KCNN3: variants seen among roughly 807,000 people sequenced by gnomAD.
The protein encoded by KCNN3 is potassium calcium-activated channel subfamily N member 3.
In KCNN3, 16 loss-of-function variants were observed where a neutral mutation model predicts 62.9. The ratio of observed to expected loss-of-function variants is 0.25; its 90% CI spans 0.17 to 0.39. The LOEUF is 0.39. KCNN3 is among the 10% of genes least tolerant of loss of function. The probability of loss-of-function intolerance (pLI) is 1.00; values close to 1 mark genes in which losing one functional copy is unlikely to be tolerated. For missense variants in KCNN3, 599 were observed against 949.4 expected, an observed-to-expected ratio of 0.63 and a Z score of 4.85; for synonymous variants, 370 against 389.2, an observed-to-expected ratio of 0.95 and a Z score of 0.58.
At chr1:154,729,866 T>C (rs1700552675) in intron 4 of KCNN3, among the ~76,000 whole-genome samples, 1 of 152,234 alleles carries the variant, frequency 6.6e-6, no homozygotes, top group African/African-American at 2.4e-5. Context: ...CCTTGGCAGT[T>C]CAGAGGCATC....
rs59012245 is a variant in KCNN3 at position 154,699,885 on chromosome 1, TAA to T, written c.*8089_*8090del. ...TTCTGATGGCTTTGCTAGTCTGGTC[TAA>T]AAAAAAAAAGACTAAAACTTAAAAA... On this transcript the variant is annotated 3_prime_UTR_variant, in exon 8 of 8. Transcript: ENST00000271915. The T allele has an allele frequency of 0.18, 26,501 of 146,454 alleles. 2,666 individuals carry two copies. The highest frequency in any genetic ancestry group is 0.27 in the Middle Eastern group (77 of 284). 9.1% of individuals were successfully genotyped at this position (146,454 alleles called of 1,614,324 possible).
intron 5 of KCNN3, among the ~76,000 whole-genome samples, chr1:154,720,862 C>T (rs1013448110): frequency 1.3e-5 from 2 of 152,042 alleles, no homozygotes; most frequent in Admixed American, 6.6e-5. Flanking sequence ...GGGCCGAGGC[C>T]CTGGAGAGGC....
chr1:154,737,211 G>GT (rs895539742), intron 3 of KCNN3: 1 of 293,220 alleles, frequency 3.4e-6, no homozygotes, highest in Non-Finnish European at 6.8e-6. Flanking sequence ...AAATTTGGGG[G>GT]GGGGGGATAG....
chr1:154,820,277 G>A (rs575984125), intron 2 of KCNN3, among the ~76,000 whole-genome samples: 3 of 152,302 alleles, frequency 2.0e-5, no homozygotes, highest in East Asian at 1.9e-4. Context: ...AGCATCAGAG[G>A]GAGGGACACC....
intron 1 of KCNN3, among the ~76,000 whole-genome samples, chr1:154,842,539 CT>C (rs1224653912): frequency 6.6e-6 from 1 of 152,132 alleles, no homozygotes; most frequent in African/African-American, 2.4e-5. Context: ...GCCCCTACCC[CT>C]CACCCCAGCC....
At chr1:154,755,589 A>AAGGG (rs542171950) in intron 3 of KCNN3, among the ~76,000 whole-genome samples, 1 of 115,136 alleles carries the variant, frequency 8.7e-6, no homozygotes, top group African/African-American at 3.3e-5. Flanking sequence ...AGAAAGAAAG[A>AAGGG]AGGGAGGGAG....
At chr1:154,749,616 A>C (rs887228703) in intron 3 of KCNN3, among the ~76,000 whole-genome samples, 2 of 152,222 alleles carry the variant, frequency 1.3e-5, no homozygotes, top group Admixed American at 1.3e-4. Context: ...CTGGGACGTC[A>C]GGGCGAGTGG....
At chr1:154,739,892 G>A (rs1027859243) in intron 3 of KCNN3, among the ~76,000 whole-genome samples, 2 of 152,348 alleles carry the variant, frequency 1.3e-5, no homozygotes, top group East Asian at 3.9e-4. Context: ...AAGCCTTGAG[G>A]TGAGACCACA....
At chr1:154,760,940 C>T (rs997230025) in intron 3 of KCNN3, among the ~76,000 whole-genome samples, 2 of 152,236 alleles carry the variant, frequency 1.3e-5, no homozygotes, top group African/African-American at 2.4e-5. Flanking sequence ...GAGAGCCCTT[C>T]AAGACGGAAC....
rs780585604 is a variant in KCNN3, at chr1:154,772,211, G to A, written c.1212C>T (p.Asp404=). 49 of 1,614,126 alleles carry A rather than the reference G, an allele frequency of 3.0e-5. No homozygotes were observed. Among genetic ancestry groups the A allele is most frequent in the Non-Finnish European group, 4.1e-5 (48 of 1,180,046 alleles). Reference sequence around the variant, plus strand: ...GGAACATGGGGATAGACAGGATGATGTCCACATCGGCCTCCGCCCGGGAGG... The same window carrying A: ...GGAACATGGGGATAGACAGGATGATATCCACATCGGCCTCCGCCCGGGAGG... The part of the protein sequence containing the change: ...YTPSRAEADV[D]IILSIPMFLR... Residue 404 remains aspartate (D), a synonymous_variant, in exon 3 of 8, where the codon GAC becomes GAT. Coordinates refer to ENST00000271915, the MANE Select transcript of KCNN3 (RefSeq NM_002249.6). This position sits in a 1 kb window ranked among gnomAD's most constrained non-coding sequence, Gnocchi z 5.6.
At chr1:154,805,074 C>T (rs1409063896) in intron 2 of KCNN3, among the ~76,000 whole-genome samples, 4 of 152,112 alleles carry the variant, frequency 2.6e-5, no homozygotes, top group Non-Finnish European at 5.9e-5. Flanking sequence ...GAGAATATGC[C>T]CCATTTCCCA....
chr1:154,814,873 G>A lies in KCNN3; in HGVS notation c.1029+7216C>T, dbSNP rs553308782. Among the ~76,000 whole-genome samples the A allele has an allele frequency of 1.6e-4, 25 of 152,300 alleles. 1 individual carries two copies. In the South Asian group the frequency reaches 1.9e-3, roughly 11 times the overall value. ...AGGCCGAGGCCCAAAGAAGAGCAGCGCTCCAGTGAATCCCCATCACCAGTC... is the reference window on the plus strand; with the variant it reads ...AGGCCGAGGCCCAAAGAAGAGCAGCACTCCAGTGAATCCCCATCACCAGTC... On this transcript the variant is annotated intron_variant, in intron 2 of 7. Coordinates refer to ENST00000271915, the MANE Select transcript of KCNN3 (RefSeq NM_002249.6).
At chr1:154,814,835 T>G (rs1650591400) in intron 2 of KCNN3, among the ~76,000 whole-genome samples, 1 of 152,328 alleles carries the variant, frequency 6.6e-6, no homozygotes, top group Non-Finnish European at 1.5e-5. Context: ...TGTGCACAGC[T>G]GGGCCAGGCA....
intron 1 of KCNN3, among the ~76,000 whole-genome samples, chr1:154,848,404 G>A (rs922333389): frequency 1.3e-5 from 2 of 151,772 alleles, no homozygotes; most frequent in Non-Finnish European, 1.5e-5. Context: ...CACAACTATC[G>A]CAGTAACACT....
chr1:154,799,369 G>C (rs924147217), intron 2 of KCNN3, among the ~76,000 whole-genome samples: 3 of 152,208 alleles, frequency 2.0e-5, no homozygotes, highest in African/African-American at 7.2e-5. Flanking sequence ...TGTCGGATTA[G>C]GTCAAGGGCT....
intron 2 of KCNN3, among the ~76,000 whole-genome samples, chr1:154,782,225 C>T (rs1022235509): frequency 6.6e-6 from 1 of 152,220 alleles, no homozygotes; most frequent in Non-Finnish European, 1.5e-5. Flanking sequence ...CAGACCCACT[C>T]CCACCAGGGC....
At chr1:154,821,101 T>C (rs1650872827) in intron 2 of KCNN3, among the ~76,000 whole-genome samples, 1 of 152,152 alleles carries the variant, frequency 6.6e-6, no homozygotes, top group South Asian at 2.1e-4. Context: ...CCCCATGTTC[T>C]AGATGAGAAG....
Position 154,737,208 on chromosome 1 carries a change from G to T in KCNN3, c.1449-4064C>A, listed in dbSNP as rs533869624. On this transcript the variant is annotated intron_variant, in intron 3 of 7. Transcript: ENST00000271915. ...GCTATTTTTTGCAATAGAAAATTTG[G>T]GGGGGGGGGATAGCTCCATGTTTTT... The T allele has an allele frequency of 5.7e-4, 64 of 111,894 alleles. 3 individuals carry two copies. Among genetic ancestry groups the T allele is most frequent in the African/African-American group, 4.8e-3 (42 of 8,786 alleles). 6.9% of individuals were successfully genotyped at this position (111,894 alleles called of 1,614,324 possible).
rs767408250 is a variant in KCNN3, at chr1:154,809,114, C to G, written c.1029+12975G>C. ...TGTGGCTGAGCAGTGTCTCTGAGAA[C>G]GTCCAGCCACGGTGGCCATGCCTCA... On this transcript the variant is annotated intron_variant, in intron 2 of 7. Transcript: ENST00000271915. This position sits in a 1 kb window ranked among gnomAD's most constrained non-coding sequence, Gnocchi z 4.3. Among the ~76,000 whole-genome samples the G allele has an allele frequency of 6.6e-6, 1 of 152,212 alleles. No homozygotes were observed. The highest frequency in any genetic ancestry group is 1.5e-5 in the Non-Finnish European group (1 of 68,032).
Sources: gnomAD v4.1 joint callset for allele counts (sites outside exome capture counted in the v4.1 genomes callset) on GRCh38, gnomAD v4.1.1 for gene constraint, Gnocchi (gnomAD v3.1) non-coding constraint, MANE v1.5 for transcripts, NCBI Gene and HGNC (gene_info 2026-07-23, HGNC 2026-07-21) for gene names.